CELF4: variants seen among roughly 807,000 people sequenced by gnomAD.
The protein encoded by CELF4 is CUG-BP- and ETR-3-like factor 4.
In CELF4, 18 loss-of-function variants were observed where a neutral mutation model predicts 59.9. The ratio of observed to expected loss-of-function variants is 0.30; its 90% CI spans 0.21 to 0.45. The LOEUF is 0.45. Ranked by LOEUF, CELF4 falls within the 20% of genes least tolerant of loss-of-function variation. CELF4 has a pLI of 1.00. For missense variants in CELF4, 456 were observed against 689.0 expected (o/e 0.66, Z 3.79); for synonymous variants, 261 against 267.1 (o/e 0.98, Z 0.22).
intron 2 of CELF4, among the ~76,000 whole-genome samples, chr18:37,449,935 G>C (rs572599548): frequency 6.6e-6 from 1 of 152,334 alleles, no homozygotes; most frequent in South Asian, 2.1e-4. Flanking sequence ...GACGCCATGA[G>C]CCCAGGACAG....
intron 2 of CELF4, among the ~76,000 whole-genome samples, chr18:37,362,482 G>A (rs1174320976): frequency 6.6e-6 from 1 of 152,144 alleles, no homozygotes; most frequent in Non-Finnish European, 1.5e-5. Context: ...AAAGCGGGAC[G>A]AGGACAGGGT....
intron 2 of CELF4, among the ~76,000 whole-genome samples, chr18:37,426,371 C>T (rs2099612617): frequency 6.6e-6 from 1 of 152,110 alleles, no homozygotes; most frequent in Non-Finnish European, 1.5e-5. Context: ...AGCTTTGGTC[C>T]TAGGAGTTGG....
At chr18:37,462,224 C>T (rs2099795538) in intron 2 of CELF4, among the ~76,000 whole-genome samples, 1 of 152,114 alleles carries the variant, frequency 6.6e-6, no homozygotes, top group Non-Finnish European at 1.5e-5. Context: ...GCCTCTCTGG[C>T]ATTGCCTGGA....
rs903937322 is a variant in CELF4 at position 37,254,719 on chromosome 18, T to G, written c.1334-781A>C. ...GCCACAGCCCTCCGTGCAGAAGCGC[T>G]TCCCACGCGTTCACTCCTGTGCCCA... On this transcript the variant is annotated intron_variant, in intron 11 of 12. Coordinates refer to ENST00000420428, the MANE Select transcript of CELF4 (RefSeq NM_020180.4). This position sits in a 1 kb window ranked among gnomAD's most constrained non-coding sequence, Gnocchi z 5.1. Among the ~76,000 whole-genome samples the G allele has an allele frequency of 2.0e-5, 3 of 152,260 alleles. No individual in the cohort carries two copies. The highest frequency in any genetic ancestry group is 6.5e-5 in the Admixed American group (1 of 15,294).
chr18:37,251,335 C>G (rs1404753961), intron 12 of CELF4, among the ~76,000 whole-genome samples: 2 of 152,112 alleles, frequency 1.3e-5, no homozygotes, highest in African/African-American at 2.4e-5. Flanking sequence ...CTCCCAAGCC[C>G]CCACCCCAAC....
At chr18:37,408,970 C>G (rs1381175543) in intron 2 of CELF4, among the ~76,000 whole-genome samples, 1 of 152,194 alleles carries the variant, frequency 6.6e-6, no homozygotes, top group Non-Finnish European at 1.5e-5. Context: ...GTCAATTCAT[C>G]ATGGGATCCC....
In CELF4 at chr18:37,347,475, A is replaced by G. The variant is rs1478831094; in HGVS notation, c.370-25594T>C. Among the ~76,000 whole-genome samples the G allele has an allele frequency of 5.9e-5, 9 of 152,062 alleles. No homozygotes were observed. In the East Asian group the frequency reaches 1.7e-3, roughly 29 times the overall value. Reference sequence around the variant, plus strand: ...GTGCCTGAGTCTGCTTTTATTCTGGAAAGTGTCCCAGAGAGGCCCTGCCTC... The same window carrying G: ...GTGCCTGAGTCTGCTTTTATTCTGGGAAGTGTCCCAGAGAGGCCCTGCCTC... On this transcript the variant is annotated intron_variant, in intron 2 of 12. Transcript: ENST00000420428.
chr18:37,495,747 A>G (rs2099924443), intron 1 of CELF4, among the ~76,000 whole-genome samples: 3 of 151,632 alleles, frequency 2.0e-5, no homozygotes, highest in Non-Finnish European at 4.4e-5. Flanking sequence ...CTCTGTCCTT[A>G]GGCTGCCTCT....
chr18:37,520,472 T>C (rs9284419), intron 1 of CELF4, among the ~76,000 whole-genome samples: 135,331 of 152,054 alleles, frequency 0.89, 60,685 homozygotes, highest in East Asian at 0.97. Flanking sequence ...GGTTTTGGAG[T>C]TGTATCTCTG....
intron 1 of CELF4, among the ~76,000 whole-genome samples, chr18:37,497,422 G>T (rs976669287): frequency 6.6e-6 from 1 of 152,232 alleles, no homozygotes; most frequent in Non-Finnish European, 1.5e-5. Context: ...GGGAGGCCAA[G>T]GCGGGCAGAT....
chr18:37,355,316 A>G (rs995242598), intron 2 of CELF4, among the ~76,000 whole-genome samples: 1 of 152,186 alleles, frequency 6.6e-6, no homozygotes, highest in African/African-American at 2.4e-5. Flanking sequence ...TGTGGTATTG[A>G]GTGTATATCT....
At chr18:37,381,356 G>A (rs1434772216) in intron 2 of CELF4, among the ~76,000 whole-genome samples, 1 of 152,146 alleles carries the variant, frequency 6.6e-6, no homozygotes, top group Admixed American at 6.5e-5. Context: ...GCTCTAAAGG[G>A]CAATGGAGGA....
At chr18:37,429,072 G>A (rs1357550586) in intron 2 of CELF4, among the ~76,000 whole-genome samples, 1 of 152,330 alleles carries the variant, frequency 6.6e-6, no homozygotes, top group South Asian at 2.1e-4. Context: ...GTATCTTGGT[G>A]AGGGAGTCGT....
intron 1 of CELF4, among the ~76,000 whole-genome samples, chr18:37,518,175 G>A (rs1418450758): frequency 6.6e-6 from 1 of 152,184 alleles, no homozygotes; most frequent in Non-Finnish European, 1.5e-5. Context: ...GACACCCCTT[G>A]GGTGGCTCCT....
chr18:37,512,748 C>T (rs898656795), intron 1 of CELF4, among the ~76,000 whole-genome samples: 2 of 151,748 alleles, frequency 1.3e-5, no homozygotes, highest in African/African-American at 4.8e-5. Context: ...CTTCTTCCCT[C>T]CTGCTTTCTC....
At chr18:37,534,640 AC>A (rs1212152692) in intron 1 of CELF4, among the ~76,000 whole-genome samples, 1 of 152,228 alleles carries the variant, frequency 6.6e-6, no homozygotes, top group Non-Finnish European at 1.5e-5. Flanking sequence ...GACGAACTTC[AC>A]TAAAGCCATA....
intron 2 of CELF4, among the ~76,000 whole-genome samples, chr18:37,387,114 A>G (rs1029046375): frequency 6.6e-6 from 1 of 152,128 alleles, no homozygotes; most frequent in Non-Finnish European, 1.5e-5. Context: ...ATCCTTGCCC[A>G]TGGTACAGAT....
chr18:37,565,313 G>A (rs1436714482), intron 1 of CELF4, 43 bp downstream of exon 1: 2 of 1,456,692 alleles, frequency 1.4e-6, no homozygotes, highest in African/African-American at 1.4e-5. Context: ...CCGCCAGCCC[G>A]CTCCTGCTCC....
chr18:37,546,665 C>T (rs2154605666), intron 1 of CELF4, among the ~76,000 whole-genome samples: 1 of 152,336 alleles, frequency 6.6e-6, no homozygotes, highest in African/African-American at 2.4e-5. Flanking sequence ...ACAGCTCTCC[C>T]ACACATGACA....
Sources: allele counts gnomAD v4.1 joint callset (sites outside exome capture counted in the v4.1 genomes callset), GRCh38; gene constraint gnomAD v4.1.1; non-coding constraint Gnocchi (gnomAD v3.1); transcripts MANE v1.5; gene names NCBI Gene and HGNC (gene_info 2026-07-23, HGNC 2026-07-21).